SPAG16: variants seen among roughly 807,000 people sequenced by gnomAD.
SPAG16 encodes the protein sperm associated antigen 16, also known as sperm-associated antigen 16 protein.
Under a neutral mutation model 80.4 loss-of-function variants are expected in SPAG16, and 86 were observed. That is an observed-to-expected ratio of 1.07 (90% CI 0.90 to 1.28). SPAG16 has a LOEUF of 1.28. Among genes scored for constraint, SPAG16 ranks in the 50% most tolerant of loss-of-function variants. SPAG16 has a pLI of 0.00. For synonymous variants in SPAG16, 294 were observed against 265.9 expected, an observed-to-expected ratio of 1.11 and a Z score of -1.03; for missense variants, 870 against 765.3, an observed-to-expected ratio of 1.14 and a Z score of -1.61.
chr2:214,248,933 AC>A (rs1428330666), intron 15 of SPAG16, among the ~76,000 whole-genome samples: 1 of 152,164 alleles, frequency 6.6e-6, no homozygotes, highest in African/African-American at 2.4e-5. Context: ...AAAAACTGGA[AC>A]CACAGCAGAT....
chr2:213,385,814 A>G (rs1014609820), intron 9 of SPAG16, among the ~76,000 whole-genome samples: 8 of 151,866 alleles, frequency 5.3e-5, no homozygotes, highest in African/African-American at 1.7e-4. Context: ...ACACACACAC[A>G]CACGTATGAC....
chr2:213,784,626 TA>T (rs71063777), intron 10 of SPAG16, among the ~76,000 whole-genome samples: 22,684 of 48,018 alleles, frequency 0.47, 3,347 homozygotes, highest in South Asian at 0.55. Flanking sequence ...CAATTATTTC[TA>T]AAAAAAAAAA....
chr2:213,380,494 GC>G (rs1200364550), intron 9 of SPAG16, among the ~76,000 whole-genome samples: 1 of 152,180 alleles, frequency 6.6e-6, no homozygotes, highest in African/African-American at 2.4e-5. Flanking sequence ...TTCGGGACCT[GC>G]TTGAGCCCGA....
intron 15 of SPAG16, among the ~76,000 whole-genome samples, chr2:214,297,321 T>A (rs1321500178): frequency 6.6e-6 from 1 of 152,150 alleles, no homozygotes; most frequent in African/African-American, 2.4e-5. Flanking sequence ...TAAGTCTCAT[T>A]TGTATATTTT....
intron 11 of SPAG16, among the ~76,000 whole-genome samples, chr2:213,913,504 G>A (rs1448968699): frequency 6.6e-6 from 1 of 151,838 alleles, no homozygotes; most frequent in Non-Finnish European, 1.5e-5. Flanking sequence ...GTGTCTGTGT[G>A]TGTGTGTGTG....
intron 15 of SPAG16, among the ~76,000 whole-genome samples, chr2:214,241,527 A>C (rs530912935): frequency 2.0e-5 from 3 of 152,296 alleles, no homozygotes; most frequent in Non-Finnish European, 4.4e-5. Context: ...ATGCAGTATC[A>C]GTAAATATGG....
chr2:213,651,582 C>G (rs866616415), intron 10 of SPAG16, among the ~76,000 whole-genome samples: 4 of 152,150 alleles, frequency 2.6e-5, no homozygotes, highest in African/African-American at 9.7e-5. Context: ...TCTTGACTGT[C>G]TCAATCTCTT....
At chr2:213,606,734 G>C (rs1025124947) in intron 10 of SPAG16, among the ~76,000 whole-genome samples, 2 of 152,154 alleles carry the variant, frequency 1.3e-5, no homozygotes, top group Non-Finnish European at 2.9e-5. Flanking sequence ...TTAGCTTGCT[G>C]ATTTCAGCAG....
At chr2:213,319,997 A>G (rs548344903) in intron 5 of SPAG16, among the ~76,000 whole-genome samples, 163 of 152,042 alleles carry the variant, frequency 1.1e-3, no homozygotes, top group Middle Eastern at 3.4e-3. Flanking sequence ...GACAAGGAAA[A>G]TTTGTGTTTG....
In SPAG16 at chr2:213,879,934, G is replaced by A. The variant is rs113033009; in HGVS notation, c.1214+17306G>A. Among the ~76,000 whole-genome samples the A allele has an allele frequency of 3.3e-5, 5 of 152,262 alleles. 1 individual carries two copies. Among genetic ancestry groups the A allele is most frequent in the African/African-American group, 9.6e-5 (4 of 41,574 alleles). On this transcript the variant is annotated intron_variant, in intron 11 of 15. Transcript: ENST00000331683. Reference sequence around the variant, plus strand: ...TTTCTTTGCTATTGTGAAAAGTGCAGCAATGAACATATGAGTGCATCTGTC... The same window carrying A: ...TTTCTTTGCTATTGTGAAAAGTGCAACAATGAACATATGAGTGCATCTGTC...
At chr2:213,288,076 T>C (rs936684700) in intron 1 of SPAG16, among the ~76,000 whole-genome samples, 3 of 151,956 alleles carry the variant, frequency 2.0e-5, no homozygotes, top group African/African-American at 4.8e-5. Context: ...CAGCTAATTT[T>C]GTTTGTTTGT....
At chr2:213,807,830 A>G (rs1399709203) in intron 10 of SPAG16, among the ~76,000 whole-genome samples, 3 of 152,206 alleles carry the variant, frequency 2.0e-5, no homozygotes, top group Non-Finnish European at 4.4e-5. Flanking sequence ...ATTAATTCAT[A>G]AAGTTCTTTG....
intron 15 of SPAG16, among the ~76,000 whole-genome samples, chr2:214,376,502 T>TA (rs200460757): frequency 1.8e-3 from 276 of 151,090 alleles, no homozygotes; most frequent in African/African-American, 4.5e-3. Context: ...TATGGCAATC[T>TA]AAAAAAAAAC....
chr2:213,318,648 T>G (rs1559405659), intron 5 of SPAG16, among the ~76,000 whole-genome samples: 2 of 151,648 alleles, frequency 1.3e-5, no homozygotes, highest in African/African-American at 4.8e-5. Flanking sequence ...AATAAAAAAT[T>G]TTAAAAAAGA....
chr2:213,687,774 G>A (rs549019339), intron 10 of SPAG16, among the ~76,000 whole-genome samples: 23 of 152,124 alleles, frequency 1.5e-4, no homozygotes, highest in Admixed American at 3.9e-4. Flanking sequence ...TATGATTCTC[G>A]GAACTGAGAG....
intron 12 of SPAG16, 62 bp from the exon 13 acceptor site, chr2:214,013,889 A>G (rs1015115221): frequency 1.0e-5 from 15 of 1,475,420 alleles, no homozygotes; most frequent in African/African-American, 2.8e-5. Flanking sequence ...AATTATTTTT[A>G]TTAGCATTGT....
intron 13 of SPAG16, among the ~76,000 whole-genome samples, chr2:214,069,309 G>A (rs565577976): frequency 1.3e-5 from 2 of 152,268 alleles, no homozygotes; most frequent in East Asian, 3.9e-4. Context: ...GGCAGTCTGT[G>A]TTATAAACAT....
At chr2:214,345,830 C>A (rs1169401846) in intron 15 of SPAG16, among the ~76,000 whole-genome samples, 3 of 152,018 alleles carry the variant, frequency 2.0e-5, no homozygotes, top group African/African-American at 4.8e-5. Flanking sequence ...TATTCTGTAC[C>A]CTGGCTCTTA....
chr2:213,348,360 G>A (rs549751584), intron 6 of SPAG16, among the ~76,000 whole-genome samples: 1 of 152,204 alleles, frequency 6.6e-6, no homozygotes, highest in East Asian at 1.9e-4. Flanking sequence ...TTTAACGGGA[G>A]CATTTAGCCC....
Sources: allele counts gnomAD v4.1 joint callset (sites outside exome capture counted in the v4.1 genomes callset), GRCh38; gene constraint gnomAD v4.1.1; transcripts MANE v1.5; gene names NCBI Gene and HGNC (gene_info 2026-07-23, HGNC 2026-07-21).